Variants in NRXN1 observed in about 807,000 individuals in gnomAD.
NRXN1 encodes neurexin 1, also known as neurexin-1.
A neutral mutation model predicts 150.9 loss-of-function variants in NRXN1; 39 were observed. That is an observed-to-expected ratio of 0.26 (90% CI 0.20 to 0.34). The LOEUF (loss-of-function observed/expected upper bound fraction) is 0.34. NRXN1 is among the 10% of genes least tolerant of loss of function. NRXN1 has a pLI of 1.00. For synonymous variants in NRXN1, 924 were observed against 757.0 expected (o/e 1.22, Z -3.62); for missense variants, 1,815 against 1,949.9 (o/e 0.93, Z 1.30).
chr2:50,288,699 T>A (rs939870366), intron 17 of NRXN1, among the ~76,000 whole-genome samples: 1 of 152,104 alleles, frequency 6.6e-6, no homozygotes, highest in East Asian at 1.9e-4. Flanking sequence ...ATGAGACTTA[T>A]TCACTATCAC....
At chr2:50,300,988 G>C (rs528456161) in intron 17 of NRXN1, among the ~76,000 whole-genome samples, 1 of 151,988 alleles carries the variant, frequency 6.6e-6, no homozygotes, top group Non-Finnish European at 1.5e-5. Context: ...GAGCCACCAC[G>C]ATCAGCTGAG....
chr2:50,203,433 T>G (rs544983696), intron 18 of NRXN1, among the ~76,000 whole-genome samples: 1 of 152,294 alleles, frequency 6.6e-6, no homozygotes, highest in Admixed American at 6.5e-5. Flanking sequence ...TTTGAAGCAT[T>G]TGAAAGATTT....
rs970375068 is a variant in NRXN1, at chr2:50,607,807, C to T, written c.1320+12215G>A. ...GATATTAAAACACACAGGCATTTTA[C>T]TTTAATGGTCATGGGCTTAGGTCCA... On this transcript the variant is annotated intron_variant, in intron 8 of 22. Coordinates refer to ENST00000401669, the MANE Select transcript of NRXN1 (RefSeq NM_001330078.2). Among the ~76,000 whole-genome samples the T allele has an allele frequency of 4.6e-5, 7 of 151,588 alleles. No homozygotes were observed. The East Asian group carries it at 5.9e-4, about 13-fold the overall frequency.
intron 5 of NRXN1, chr2:50,918,900 C>A (rs766552976): frequency 5.5e-6 from 1 of 183,018 alleles, no homozygotes; most frequent in South Asian, 2.0e-4. Flanking sequence ...CCACAACCAG[C>A]AAAAGTAAGG....
At chr2:50,947,834 T>C (rs567769708) in intron 2 of NRXN1, among the ~76,000 whole-genome samples, 3 of 151,990 alleles carry the variant, frequency 2.0e-5, no homozygotes, top group Non-Finnish European at 2.9e-5. Flanking sequence ...ACTTGCAAAT[T>C]TTTTCACATT....
At chr2:50,069,846 GGT>G (rs201551348) in intron 19 of NRXN1, among the ~76,000 whole-genome samples, 3 of 66,304 alleles carry the variant, frequency 4.5e-5, no homozygotes, top group Non-Finnish European at 8.0e-5. Flanking sequence ...AGATTTTGGG[GGT>G]TTTTTTTTTT....
chr2:50,198,139 A>C (rs2061897098), intron 18 of NRXN1, among the ~76,000 whole-genome samples: 1 of 152,150 alleles, frequency 6.6e-6, no homozygotes, highest in Non-Finnish European at 1.5e-5. Flanking sequence ...GCTATCACCA[A>C]ATAGCAATTT....
At chr2:50,686,323 AT>A (rs1168092701) in intron 5 of NRXN1, among the ~76,000 whole-genome samples, 1 of 152,164 alleles carries the variant, frequency 6.6e-6, no homozygotes, top group Non-Finnish European at 1.5e-5. Context: ...CCAGTTTCTC[AT>A]AAAAAACAGT....
At chr2:50,738,668 T>A (rs1699057908) in intron 5 of NRXN1, among the ~76,000 whole-genome samples, 1 of 152,102 alleles carries the variant, frequency 6.6e-6, no homozygotes, top group Non-Finnish European at 1.5e-5. Flanking sequence ...ACCTTTAAAT[T>A]TGGGGAGTGG....
intron 17 of NRXN1, among the ~76,000 whole-genome samples, chr2:50,350,340 T>C (rs1301809436): frequency 6.6e-6 from 1 of 152,214 alleles, no homozygotes; most frequent in Non-Finnish European, 1.5e-5. Flanking sequence ...TTTAGTATTA[T>C]GCTTGAGGGC....
At chr2:50,052,903 TGAGCTTAAACA>T (rs1258003071) in intron 21 of NRXN1, among the ~76,000 whole-genome samples, 2 of 152,214 alleles carry the variant, frequency 1.3e-5, no homozygotes, top group Non-Finnish European at 2.9e-5. Context: ...TTTGAAGTGC[TGAGCTTAAACA>T]GACAAGGTTT....
At chr2:50,047,737 T>A (rs1206452205) in intron 21 of NRXN1, among the ~76,000 whole-genome samples, 2 of 152,000 alleles carry the variant, frequency 1.3e-5, no homozygotes, top group Non-Finnish European at 2.9e-5. Context: ...CCTGCAGCCT[T>A]TGACATCCCA....
chr2:50,785,773 G>A (rs1336739895), intron 5 of NRXN1, among the ~76,000 whole-genome samples: 1 of 152,086 alleles, frequency 6.6e-6, no homozygotes, highest in Non-Finnish European at 1.5e-5. Flanking sequence ...AAGTCACGTG[G>A]GTTCCCTGTA....
At chr2:50,035,118 A>G (rs145366098) in intron 21 of NRXN1, among the ~76,000 whole-genome samples, 88 of 152,278 alleles carry the variant, frequency 5.8e-4, no homozygotes, top group African/African-American at 2.0e-3. Context: ...ATAAAAGAAT[A>G]TAACCTGATT....
intron 17 of NRXN1, among the ~76,000 whole-genome samples, chr2:50,351,966 GTTGGTC>G (rs2078442851): frequency 6.6e-6 from 1 of 152,138 alleles, no homozygotes; most frequent in South Asian, 2.1e-4. Context: ...TGTAGCAGAA[GTTGGTC>G]TTGGTGTTGA....
chr2:50,478,736 C>T (rs1573158009), intron 15 of NRXN1, among the ~76,000 whole-genome samples: 1 of 152,168 alleles, frequency 6.6e-6, no homozygotes, highest in African/African-American at 2.4e-5. Flanking sequence ...TGTGAAATTA[C>T]TTTTTCTAAA....
At chr2:50,619,968 T>A in intron 8 of NRXN1, 54 bp downstream of exon 8, 1 of 1,444,196 alleles carries the variant, frequency 6.9e-7, no homozygotes, top group Non-Finnish European at 9.2e-7. Context: ...TCATGCTGGA[T>A]CTGAAATGAT....
chr2:50,915,459 G>C (rs1209319352), intron 5 of NRXN1, among the ~76,000 whole-genome samples: 1 of 151,566 alleles, frequency 6.6e-6, no homozygotes, highest in Non-Finnish European at 1.5e-5. Flanking sequence ...GCTCAAAGTG[G>C]AGGCAAGCCT....
At chr2:50,778,193 T>C (rs1574443205) in intron 5 of NRXN1, among the ~76,000 whole-genome samples, 1 of 152,150 alleles carries the variant, frequency 6.6e-6, no homozygotes, top group East Asian at 1.9e-4. Flanking sequence ...GGACTAAGGA[T>C]GTAAAAACAA....
Sources: gnomAD v4.1 joint callset for allele counts (sites outside exome capture counted in the v4.1 genomes callset) on GRCh38, gnomAD v4.1.1 for gene constraint, MANE v1.5 for transcripts, NCBI Gene and HGNC (gene_info 2026-07-23, HGNC 2026-07-21) for gene names.